TUBGCP5: variants seen among roughly 807,000 people sequenced by gnomAD.
TUBGCP5 encodes the protein gamma-tubulin complex component 5.
A neutral mutation model predicts 134.7 loss-of-function variants in TUBGCP5; 98 were observed. The observed-to-expected ratio is 0.73, with a 90% CI of 0.62 to 0.86. The LOEUF (loss-of-function observed/expected upper bound fraction) is 0.86, where lower values mean the gene tolerates loss of function less well. Among genes scored for constraint, TUBGCP5 ranks in the 40% least tolerant of loss-of-function variants. The probability of loss-of-function intolerance (pLI) is 0.00; values close to 1 mark genes in which losing one functional copy is unlikely to be tolerated. For synonymous variants in TUBGCP5, 456 were observed against 431.4 expected, an observed-to-expected ratio of 1.06 and a Z score of -0.71; for missense variants, 1,150 against 1,244.8, an observed-to-expected ratio of 0.92 and a Z score of 1.15.
chr15:22,990,715 G>T (rs563676204), intron 23 of TUBGCP5, among the ~76,000 whole-genome samples: 1 of 152,252 alleles, frequency 6.6e-6, no homozygotes, highest in Admixed American at 6.5e-5. Flanking sequence ...GACTAAGACA[G>T]TTACCTTATG....
downstream of TUBGCP5, among the ~76,000 whole-genome samples, chr15:22,995,454 G>A (rs2064024094): frequency 3.3e-5 from 5 of 151,262 alleles, no homozygotes; most frequent in South Asian, 1.0e-3. Context: ...CAGCTTTAAA[G>A]ACATTGTGTA....
intron 23 of TUBGCP5, among the ~76,000 whole-genome samples, chr15:22,984,867 G>GA (rs1216115817): frequency 6.6e-6 from 1 of 151,910 alleles, no homozygotes; most frequent in African/African-American, 2.4e-5. Context: ...GTACCTTTAG[G>GA]AAAAAAATGA....
rs184952085 is a variant in TUBGCP5 at position 23,005,795 on chromosome 15, T to C, written c.2534-185A>G. ...AGTGGGAAAAGTTTCCTGTATCACTTTTCCTAATCAAGTTGTTGCATTTCA... is the reference window on the plus strand; with the variant it reads ...AGTGGGAAAAGTTTCCTGTATCACTCTTCCTAATCAAGTTGTTGCATTTCA... On this transcript the variant is annotated intron_variant, in intron 18 of 22. Transcript: ENST00000615383. The C allele has an allele frequency of 2.0e-4, 143 of 700,784 alleles. 1 individual carries two copies. Among genetic ancestry groups the C allele is most frequent in the Non-Finnish European group, 3.1e-4 (133 of 433,408 alleles). 43.4% of individuals were successfully genotyped at this position (700,784 alleles called of 1,614,324 possible).
chr15:23,011,038 T>A, intron 14 of TUBGCP5, 95 bp downstream of exon 14: 1 of 1,276,124 alleles, frequency 7.8e-7, no homozygotes, highest in South Asian at 1.3e-5. Flanking sequence ...ACAAGAGTTT[T>A]TGTTTTTAGC....
chr15:22,987,630 C>G (rs2063718269), intron 23 of TUBGCP5, among the ~76,000 whole-genome samples: 1 of 150,840 alleles, frequency 6.6e-6, no homozygotes, highest in African/African-American at 2.4e-5. Context: ...GGCGCGGTGG[C>G]TCACGCCTGT....
chr15:23,016,497 GA>G (rs34275068), intron 13 of TUBGCP5, among the ~76,000 whole-genome samples: 1,067 of 102,774 alleles, frequency 0.01, 10 homozygotes, highest in African/African-American at 0.028. Context: ...TCTGTCTCAG[GA>G]AAAAAAAAAA....
At position 23,010,954 on chromosome 15, in the gene TUBGCP5, CT is replaced by C. The variant is rs533873077; in HGVS notation, c.1955+178del. Among the ~76,000 whole-genome samples the C allele has an allele frequency of 3.0e-3, 453 of 151,336 alleles. 1 individual carries two copies. The highest frequency in any genetic ancestry group is 0.01 in the African/African-American group (429 of 41,210). On this transcript the variant is annotated intron_variant, in intron 14 of 22. Transcript: ENST00000615383. ...CAAGATCACACCACTACACTCCAGC[CT>C]GGGTGACAGACTGAGGCTCCATCTC...
At chr15:23,012,992 C>T (rs1430902946) in intron 13 of TUBGCP5, among the ~76,000 whole-genome samples, 1 of 152,052 alleles carries the variant, frequency 6.6e-6, no homozygotes, top group South Asian at 2.1e-4. Context: ...GTCCCAGCTA[C>T]TTGGGAAGCT....
chr15:23,004,615 C>T (rs2064596225), intron 19 of TUBGCP5: 1 of 165,164 alleles, frequency 6.1e-6, no homozygotes, highest in Non-Finnish European at 1.3e-5. Context: ...AGTTCCTTTT[C>T]TCATACATTG....
chr15:23,009,451 G>A (rs1007196499), intron 15 of TUBGCP5, among the ~76,000 whole-genome samples: 1 of 151,906 alleles, frequency 6.6e-6, no homozygotes, highest in Admixed American at 6.6e-5. Context: ...TGTATTTTTA[G>A]TAGAGACGGG....
intron 21 of TUBGCP5, among the ~76,000 whole-genome samples, chr15:23,002,243 T>A (rs2064431904): frequency 6.6e-6 from 1 of 152,164 alleles, no homozygotes; most frequent in Non-Finnish European, 1.5e-5. Context: ...TATGGCTTCA[T>A]CTACTACCTT....
At position 23,034,656 on chromosome 15, in the gene TUBGCP5, C is replaced by T. The variant is rs548765121; in HGVS notation, c.310-1832G>A. On this transcript the variant is annotated intron_variant, in intron 3 of 22. Coordinates refer to ENST00000615383, the MANE Select transcript of TUBGCP5 (RefSeq NM_052903.6). ...GGCAGATCACTTGAGGTCAGGAGTT[C>T]GACACTACCCTGGCCAACATGGCGA... Among the ~76,000 whole-genome samples the T allele has an allele frequency of 2.0e-4, 30 of 151,854 alleles. 1 individual carries two copies. Among genetic ancestry groups the T allele is most frequent in the Admixed American group, 1.4e-3 (22 of 15,254 alleles).
chr15:23,014,392 C>CA (rs549220382), intron 13 of TUBGCP5, among the ~76,000 whole-genome samples: 125 of 152,344 alleles, frequency 8.2e-4, no homozygotes, highest in African/African-American at 2.8e-3. Flanking sequence ...CACAGGCCAA[C>CA]AGAGCGGCCA....
In TUBGCP5 at chr15:23,006,265, T is replaced by C. The variant is rs747420981; in HGVS notation, c.2412+3A>G. 3.1e-6 allele frequency: 5 copies of C among 1,609,358 alleles called. No homozygotes were observed. Among genetic ancestry groups the C allele is most frequent in the African/African-American group, 2.7e-5 (2 of 74,658 alleles). ...GGTTCATACAAGGAATATCAGCATA[T>C]ACCTTGTAGCTGAGGGTCAGACCAT... On this transcript the variant is annotated splice_donor_region_variant and intron_variant, in intron 17 of 22. Coordinates refer to ENST00000615383, the MANE Select transcript of TUBGCP5 (RefSeq NM_052903.6).
rs116824155 is a variant in TUBGCP5 at position 23,004,804 on chromosome 15, C to T, written c.2713-577G>A. Among the ~76,000 whole-genome samples, 1,071 of 152,278 alleles carry T rather than the reference C, an allele frequency of 7.0e-3. 5 individuals are homozygous for T. The highest frequency in any genetic ancestry group is 0.023 in the African/African-American group (944 of 41,562). ...TGCCATAGCCTTCCCATCCAAAACA[C>T]AGGCTTCAGTGGCTCACTTCACCCA... On this transcript the variant is annotated intron_variant, in intron 19 of 22. Coordinates refer to ENST00000615383, the MANE Select transcript of TUBGCP5 (RefSeq NM_052903.6).
chr15:23,033,287 T>A (rs901393089), intron 3 of TUBGCP5, among the ~76,000 whole-genome samples: 7 of 152,080 alleles, frequency 4.6e-5, no homozygotes. Flanking sequence ...TCATATTTTT[T>A]TTCCCCCCGA....
At chr15:23,018,502 A>C (rs1029493908) in intron 12 of TUBGCP5, among the ~76,000 whole-genome samples, 9 of 152,204 alleles carry the variant, frequency 5.9e-5, no homozygotes, top group South Asian at 2.1e-4. Context: ...ATCAGAACAC[A>C]GTGACAGATA....
intron 23 of TUBGCP5, among the ~76,000 whole-genome samples, chr15:22,988,779 GTTTT>G (rs1307375665): frequency 6.6e-6 from 1 of 150,844 alleles, no homozygotes; most frequent in Non-Finnish European, 1.5e-5. Context: ...TTGTTTGTTT[GTTTT>G]TTGAGACGGA....
intron 23 of TUBGCP5, among the ~76,000 whole-genome samples, chr15:22,993,510 A>T (rs1048070138): frequency 1.4e-5 from 1 of 73,296 alleles, no homozygotes; most frequent in African/African-American, 5.3e-5. Context: ...TAATCCTCCC[A>T]CCTCAGCCCC....
Sources: gnomAD v4.1 joint callset for allele counts (sites outside exome capture counted in the v4.1 genomes callset) on GRCh38, gnomAD v4.1.1 for gene constraint, MANE v1.5 for transcripts, NCBI Gene and HGNC (gene_info 2026-07-23, HGNC 2026-07-21) for gene names.